Variants in MYLK3 observed in about 807,000 individuals in gnomAD.
MYLK3 encodes the protein myosin light chain kinase 3.
MYLK3 carries 55 observed loss-of-function variants against 76.3 expected under a neutral mutation model. That is an observed-to-expected ratio of 0.72 (90% CI 0.58 to 0.90). The LOEUF (loss-of-function observed/expected upper bound fraction) is 0.90, where lower values mean the gene tolerates loss of function less well. Among genes scored for constraint, MYLK3 ranks in the 40% least tolerant of loss-of-function variants. The probability of loss-of-function intolerance (pLI) is 0.00; values close to 1 mark genes in which losing one functional copy is unlikely to be tolerated. For missense variants in MYLK3, 973 were observed against 1,053.6 expected, an observed-to-expected ratio of 0.92 and a Z score of 1.06; for synonymous variants, 416 against 425.4, an observed-to-expected ratio of 0.98 and a Z score of 0.27.
upstream of MYLK3, among the ~76,000 whole-genome samples, chr16:46,752,085 G>C (rs114716800): frequency 0.014 from 2,152 of 152,114 alleles, 52 homozygotes; most frequent in African/African-American, 0.049. Context: ...ACAGGGCAGC[G>C]GATCCTCTCG....
At chr16:46,733,157 T>C (rs1446915168) in intron 3 of MYLK3, among the ~76,000 whole-genome samples, 1 of 151,638 alleles carries the variant, frequency 6.6e-6, no homozygotes, top group Non-Finnish European at 1.5e-5. Context: ...AGGCCAGGAG[T>C]TTGAGACCAG....
intron 1 of MYLK3, among the ~76,000 whole-genome samples, chr16:46,740,922 T>C (rs1596769058): frequency 1.3e-5 from 2 of 152,184 alleles, no homozygotes; most frequent in Non-Finnish European, 2.9e-5. Context: ...TTGGTTTCGG[T>C]TGAATTCTGA....
chr16:46,731,177 G>A (rs1035106945), intron 4 of MYLK3, among the ~76,000 whole-genome samples: 3 of 152,224 alleles, frequency 2.0e-5, no homozygotes, highest in African/African-American at 7.2e-5. Flanking sequence ...CCTGCCAGCT[G>A]AGCCCAACCA....
intron 3 of MYLK3, among the ~76,000 whole-genome samples, chr16:46,735,996 G>T (rs1015296979): frequency 3.3e-5 from 5 of 152,262 alleles, no homozygotes; most frequent in Admixed American, 2.6e-4. Context: ...AGGATCCTCT[G>T]GGTTTGTTTG....
At chr16:46,749,578 G>A (rs532253663), upstream of MYLK3, among the ~76,000 whole-genome samples, 10 of 152,288 alleles carry the variant, frequency 6.6e-5, 1 homozygote, top group South Asian at 8.3e-4. Flanking sequence ...GCAACATGGC[G>A]AGACCTGGTC....
chr16:46,706,321 T>A lies in MYLK3; in HGVS notation c.*1383A>T, dbSNP rs1219864171. The stretch of plus-strand genomic sequence containing the variant: ...TTTTTTTTTTTTTTTTGAGACGGAG[T>A]CTTGCTCTGTTGCCTAGGCTGGAGT... On this transcript the variant is annotated 3_prime_UTR_variant, in exon 13 of 13. Transcript: ENST00000394809. 7.1e-6 allele frequency: 1 copy of A among 141,798 alleles called. No homozygotes were observed. Among genetic ancestry groups the A allele is most frequent in the African/African-American group, 2.7e-5 (1 of 37,674 alleles). The allele number at this position is 141,798 out of a possible 1,614,324, so 8.8% of individuals were successfully genotyped here.
intron 1 of MYLK3, among the ~76,000 whole-genome samples, chr16:46,756,748 G>C (rs2143018360): frequency 6.6e-6 from 1 of 152,302 alleles, no homozygotes; most frequent in East Asian, 1.9e-4. Flanking sequence ...GTGAACACAG[G>C]TTTCCTCATC....
chr16:46,736,250 C>A (rs963972988), intron 3 of MYLK3, among the ~76,000 whole-genome samples: 17 of 152,022 alleles, frequency 1.1e-4, no homozygotes, highest in Non-Finnish European at 2.4e-4. Context: ...TAGGCTCAAG[C>A]GATCCTCCCG....
intron 1 of MYLK3, among the ~76,000 whole-genome samples, chr16:46,741,341 T>C (rs1966927219): frequency 6.6e-6 from 1 of 152,170 alleles, no homozygotes; most frequent in Non-Finnish European, 1.5e-5. Flanking sequence ...TCTCAGAAGC[T>C]TTTCCTTAAA....
chr16:46,754,502 A>G (rs1967172103), intron 1 of MYLK3, among the ~76,000 whole-genome samples: 1 of 152,056 alleles, frequency 6.6e-6, no homozygotes, highest in Admixed American at 6.6e-5. Flanking sequence ...TAAGAGGAGG[A>G]ACAGAGATCT....
intron 1 of MYLK3, among the ~76,000 whole-genome samples, chr16:46,755,333 C>A (rs1254090976): frequency 6.6e-6 from 1 of 151,992 alleles, no homozygotes; most frequent in Non-Finnish European, 1.5e-5. Context: ...TGGTGGGTGC[C>A]TGTAATCCCA....
At chr16:46,722,904 G>T (rs1015586267) in intron 8 of MYLK3, among the ~76,000 whole-genome samples, 4 of 152,160 alleles carry the variant, frequency 2.6e-5, no homozygotes, top group African/African-American at 9.7e-5. Context: ...TTGAGACGGG[G>T]TTTCACCATG....
At chr16:46,735,017 T>A (rs1966861645) in intron 3 of MYLK3, among the ~76,000 whole-genome samples, 1 of 151,858 alleles carries the variant, frequency 6.6e-6, no homozygotes, top group Admixed American at 6.6e-5. Flanking sequence ...GGCACATGCT[T>A]GTAATCCCAG....
At chr16:46,737,669 G>A (rs764745322) in intron 3 of MYLK3, 42 bp downstream of exon 3, 1 of 1,544,168 alleles carries the variant, frequency 6.5e-7, no homozygotes, top group Non-Finnish European at 8.8e-7. Context: ...AGGGGCCACA[G>A]TCCATCCCCT....
At chr16:46,738,170 T>C in intron 2 of MYLK3, 27 bp from the exon 3 acceptor site, 1 of 1,479,390 alleles carries the variant, frequency 6.8e-7, no homozygotes, top group Non-Finnish European at 9.0e-7. Flanking sequence ...AGGACAAAAA[T>C]GCACTCCCAT....
In MYLK3 at chr16:46,713,581, A is replaced by AT. The variant is rs1294632674; in HGVS notation, c.1986-806dup. 3.3e-5 allele frequency among the ~76,000 whole-genome samples: 5 copies of AT among 152,292 alleles called. No individual in the cohort carries two copies. In the East Asian group the frequency reaches 7.7e-4, roughly 23 times the overall value. On this transcript the variant is annotated intron_variant, in intron 9 of 12. Transcript: ENST00000394809. Reference sequence around the variant, plus strand: ...AACATAAGTATTACCTCACATACTTATTTTTTGTGGTGAGAACACTTAAAA... The same window carrying AT: ...AACATAAGTATTACCTCACATACTTATTTTTTTGTGGTGAGAACACTTAAAA...
In MYLK3 at chr16:46,732,580, C is replaced by A. The variant is rs1215397927; in HGVS notation, c.1090G>T (p.Ala364Ser). ...TTGCCTGGCTGGGCAGCTGCTGGAG[C>A]CTCTGTGGTGAGGGTGGGTCCAAGG... ...GSLGPTLTTEAPAAAQPGKQG... is the reference protein window; with the variant it reads ...GSLGPTLTTESPAAAQPGKQG... The change falls in exon 4 of 13, where the codon GCT becomes TCT. Residue 364 changes from alanine to serine, a missense_variant. By Grantham distance (99) the Ala-to-Ser change is moderately conservative. This residue lies in a region of MYLK3 where 641 missense variants were observed against 637.0 expected (regional missense o/e 1.01). Coordinates refer to ENST00000394809, the MANE Select transcript of MYLK3 (RefSeq NM_182493.3). 1 of 1,598,600 alleles carries A rather than the reference C, an allele frequency of 6.3e-7. No homozygotes were observed. The highest frequency in any genetic ancestry group is 1.3e-5 in the African/African-American group (1 of 74,906).
chr16:46,711,714 C>A (rs1265289073), intron 10 of MYLK3: 2 of 383,814 alleles, frequency 5.2e-6, no homozygotes, highest in East Asian at 1.7e-4. Flanking sequence ...GGCTTTCTCT[C>A]CAGCTGAAGC....
chr16:46,730,452 C>G, intron 5 of MYLK3, 141 bp downstream of exon 5: 2 of 679,146 alleles, frequency 2.9e-6, no homozygotes, highest in Admixed American at 4.3e-5. Context: ...CCATGCTGTA[C>G]AGGATGTCCC....
Sources: gnomAD v4.1 joint callset for allele counts (sites outside exome capture counted in the v4.1 genomes callset) on GRCh38, gnomAD v4.1.1 for gene constraint, gnomAD v4.1.1 regional missense constraint, MANE v1.5 for transcripts, NCBI Gene and HGNC (gene_info 2026-07-23, HGNC 2026-07-21) for gene names.